The following MYLK variants were observed in gnomAD, a reference collection of about 807,000 sequenced individuals.
MYLK encodes the protein myosin light chain kinase, smooth muscle.
A neutral mutation model predicts 203.4 loss-of-function variants in MYLK; 106 were observed. The observed-to-expected ratio is 0.52, with a 90% CI of 0.45 to 0.61. The LOEUF (loss-of-function observed/expected upper bound fraction) is 0.61, where lower values mean the gene tolerates loss of function less well. Ranked by LOEUF, MYLK falls within the 20% of genes least tolerant of loss-of-function variation. The probability of loss-of-function intolerance (pLI) is 0.00; values close to 1 mark genes in which losing one functional copy is unlikely to be tolerated. For missense variants in MYLK, 2,072 were observed against 2,442.3 expected (o/e 0.85, Z 3.20); for synonymous variants, 867 against 959.5 (o/e 0.90, Z 1.78).
At chr3:123,846,934 G>C (rs905721812) in intron 2 of MYLK, among the ~76,000 whole-genome samples, 1 of 151,816 alleles carries the variant, frequency 6.6e-6, no homozygotes, top group East Asian at 1.9e-4. Context: ...GTTATTCCTG[G>C]TAAATAGTAC....
chr3:123,793,357 T>C (rs149021602), intron 4 of MYLK, among the ~76,000 whole-genome samples: 1 of 152,162 alleles, frequency 6.6e-6, no homozygotes, highest in African/African-American at 2.4e-5. Flanking sequence ...AAACCCAAGC[T>C]GTATTCTTCC....
At chr3:123,804,940 G>A (rs2065317553) in intron 3 of MYLK, among the ~76,000 whole-genome samples, 1 of 152,102 alleles carries the variant, frequency 6.6e-6, no homozygotes, top group Non-Finnish European at 1.5e-5. Flanking sequence ...TCTTCCGCTT[G>A]GAAGAGGGAG....
At chr3:123,786,731 C>T (rs561184569) in intron 4 of MYLK, among the ~76,000 whole-genome samples, 87 of 152,134 alleles carry the variant, frequency 5.7e-4, no homozygotes, top group African/African-American at 2.1e-3. Flanking sequence ...TTTCACATTG[C>T]GTGCCTTATC....
intron 4 of MYLK, among the ~76,000 whole-genome samples, chr3:123,769,270 C>T (rs983358324): frequency 1.3e-5 from 2 of 152,154 alleles, no homozygotes; most frequent in Non-Finnish European, 2.9e-5. Context: ...CATCAAAATA[C>T]TGGAACTCCA....
chr3:123,659,362 C>G (rs1480101462), intron 23 of MYLK, among the ~76,000 whole-genome samples: 1 of 152,150 alleles, frequency 6.6e-6, no homozygotes, highest in Non-Finnish European at 1.5e-5. Context: ...GAAGAGGTGC[C>G]ATTTGTACCC....
At chr3:123,654,168 G>C (rs62264572) in intron 24 of MYLK, among the ~76,000 whole-genome samples, 3,181 of 152,278 alleles carry the variant, frequency 0.021, 60 homozygotes, top group Non-Finnish European at 0.031. Flanking sequence ...CTCTCAAGGA[G>C]ACCTGCTCTA....
intron 19 of MYLK, chr3:123,691,958 T>G (rs549510244): frequency 1.3e-5 from 2 of 152,440 alleles, no homozygotes; most frequent in South Asian, 4.1e-4. Context: ...CTGGATGCCC[T>G]CAGTTTCTTA....
At chr3:123,754,761 A>C (rs1480554784) in intron 4 of MYLK, among the ~76,000 whole-genome samples, 1 of 152,234 alleles carries the variant, frequency 6.6e-6, no homozygotes, top group Non-Finnish European at 1.5e-5. Flanking sequence ...TGCAAAACAG[A>C]AAAAAGAATT....
chr3:123,627,548 T>C (rs1023785035), intron 30 of MYLK, among the ~76,000 whole-genome samples: 3 of 152,318 alleles, frequency 2.0e-5, no homozygotes, highest in African/African-American at 2.4e-5. Flanking sequence ...TCTAGAAACA[T>C]TTTAGAGCCA....
At chr3:123,737,284 T>TAC (rs752170304) in intron 8 of MYLK, 94 bp downstream of exon 8, 2 of 1,515,720 alleles carry the variant, frequency 1.3e-6, no homozygotes, top group Non-Finnish European at 1.8e-6. Context: ...GCCAGGTGTA[T>TAC]ACACACACAG....
chr3:123,647,351 A>G lies in MYLK; in HGVS notation c.4492T>C (p.Tyr1498His). ...KVWAGKFFKA[Y>H]SAKEKENIRQ... is the part of the protein sequence containing the mutation. Reference sequence around the variant, plus strand: ...ATATTCTCTTTCTCTTTTGCTGAATATGCCTTGAAGAACTTCCCTGCCCAG... The same window carrying G: ...ATATTCTCTTTCTCTTTTGCTGAATGTGCCTTGAAGAACTTCCCTGCCCAG... Residue 1498 changes from tyrosine (Y) to histidine (H), a missense_variant, in exon 27 of 34, where the codon TAT becomes CAT. Transcript: ENST00000360304. 1 of 1,614,238 alleles carries G rather than the reference A, an allele frequency of 6.2e-7. No homozygotes were observed. Among genetic ancestry groups the G allele is most frequent in the Admixed American group, 1.7e-5 (1 of 60,032 alleles).
intron 4 of MYLK, among the ~76,000 whole-genome samples, chr3:123,782,011 T>A (rs1445758310): frequency 6.6e-6 from 1 of 152,206 alleles, no homozygotes; most frequent in Non-Finnish European, 1.5e-5. Flanking sequence ...AAACTAGGCA[T>A]GTAAAACAGA....
intron 20 of MYLK, among the ~76,000 whole-genome samples, chr3:123,668,312 T>G (rs2059804637): frequency 6.6e-6 from 1 of 152,200 alleles, no homozygotes; most frequent in Non-Finnish European, 1.5e-5. Context: ...ACTGTGGCAC[T>G]TTGATGCCAC....
intron 13 of MYLK, among the ~76,000 whole-genome samples, chr3:123,718,484 G>A (rs1243363093): frequency 3.9e-5 from 6 of 152,168 alleles, no homozygotes; most frequent in Non-Finnish European, 8.8e-5. Flanking sequence ...GTGAGCCCCC[G>A]CATTCTGAAC....
intron 4 of MYLK, among the ~76,000 whole-genome samples, chr3:123,766,392 C>T (rs1452220970): frequency 2.6e-5 from 4 of 152,246 alleles, no homozygotes; most frequent in African/African-American, 9.6e-5. Flanking sequence ...GCAGTCAGGG[C>T]TGTGTAAGAG....
Position 123,612,755 on chromosome 3 carries a change from A to G in MYLK, c.*1350T>C, listed in dbSNP as rs1459891307. ...TGAAGTAATTTTAAATTGGTTCTTA[A>G]GGAACTCTTAAAAAGTCCCTTAAAA... On this transcript the variant is annotated 3_prime_UTR_variant, in exon 34 of 34. Coordinates refer to ENST00000360304, the MANE Select transcript of MYLK (RefSeq NM_053025.4). 6.6e-6 allele frequency: 1 copy of G among 152,658 alleles called. No homozygotes were observed. The highest frequency in any genetic ancestry group is 2.4e-5 in the African/African-American group (1 of 41,462). The allele number at this position is 152,658 out of a possible 1,614,324, so 9.5% of individuals were successfully genotyped here.
rs768312507 is a variant in MYLK, at chr3:123,692,916, G to A, written c.3449-65C>T. 31 of 1,399,512 alleles carry A rather than the reference G, an allele frequency of 2.2e-5. No individual in the cohort carries two copies. The East Asian group carries it at 3.6e-4, about 16-fold the overall frequency. The allele number at this position is 1,399,512 out of a possible 1,614,324, so 86.7% of individuals were successfully genotyped here. ...TAGTACCTGCCCTGGCATCTGGAGC[G>A]CAGCAGGTGAGTGTTACTCGCACGG... On this transcript the variant is annotated intron_variant, in intron 18 of 33. Transcript: ENST00000360304.
At chr3:123,851,717 C>T (rs1240280051) in intron 2 of MYLK, among the ~76,000 whole-genome samples, 2 of 152,070 alleles carry the variant, frequency 1.3e-5, no homozygotes, top group African/African-American at 4.8e-5. Context: ...TCCTCTTTTC[C>T]TAATTGAATA....
At chr3:123,826,271 C>T (rs1412835313) in intron 3 of MYLK, among the ~76,000 whole-genome samples, 1 of 152,202 alleles carries the variant, frequency 6.6e-6, no homozygotes, top group Non-Finnish European at 1.5e-5. Context: ...GGCAGGCATG[C>T]CACCACACCA....
Sources: allele counts gnomAD v4.1 joint callset (sites outside exome capture counted in the v4.1 genomes callset), GRCh38; gene constraint gnomAD v4.1.1; transcripts MANE v1.5; gene names NCBI Gene and HGNC (gene_info 2026-07-23, HGNC 2026-07-21).